The following GLB1L3 variants were observed in gnomAD, a reference collection of about 807,000 sequenced individuals.
GLB1L3 encodes galactosidase beta 1 like 3, also known as beta-galactosidase-1-like protein 3.
GLB1L3 carries 89 observed loss-of-function variants against 89.5 expected under a neutral mutation model. The observed-to-expected ratio is 0.99, with a 90% confidence interval of 0.84 to 1.19. The LOEUF (loss-of-function observed/expected upper bound fraction) is 1.19, where lower values mean the gene tolerates loss of function less well. Ranked by LOEUF, GLB1L3 falls within the 50% of genes most tolerant of loss-of-function variation. The probability of loss-of-function intolerance (pLI) is 0.00; values close to 1 mark genes in which losing one functional copy is unlikely to be tolerated. For synonymous variants in GLB1L3, 314 were observed against 312.3 expected (o/e 1.01, Z -0.06); for missense variants, 812 against 813.3 (o/e 1.00, Z 0.02).
At chr11:134,302,808 G>A (rs565863282) in intron 9 of GLB1L3, among the ~76,000 whole-genome samples, 11 of 152,222 alleles carry the variant, frequency 7.2e-5, no homozygotes, top group African/African-American at 2.6e-4. Flanking sequence ...TTGCGGTACT[G>A]GGTGCAGTAT....
Position 134,314,368 on chromosome 11 carries a change from A to C in GLB1L3, c.1706A>C (p.His569Pro), listed in dbSNP as rs547756104. Reference protein sequence around the residue: ...SATWKPVPDSHQGPAFYCGTL... With the variant: ...SATWKPVPDSPQGPAFYCGTL... ...ACCTGGAAGCCTGTCCCAGACAGCC[A>C]CCAGGGCCCGGCCTTCTACTGTGGG... Residue 569 changes from histidine (H) to proline (P), a missense_variant, in exon 18 of 20, where the codon CAC becomes CCC. Transcript: ENST00000431683. 2.7e-5 allele frequency: 42 copies of C among 1,551,352 alleles called. No individual in the cohort carries two copies. The South Asian group carries it at 4.5e-4, about 17-fold the overall frequency.
At position 134,293,674 on chromosome 11, in the gene GLB1L3, T is replaced by G. The variant is rs945501084; in HGVS notation, c.876+465T>G. Among the ~76,000 whole-genome samples, 21 of 152,020 alleles carry G rather than the reference T, an allele frequency of 1.4e-4. 1 individual carries two copies. In the East Asian group the frequency reaches 3.9e-3, roughly 28 times the overall value. The stretch of plus-strand genomic sequence containing the variant: ...CTCAGTGGGTGACCTCCTGTGACAT[T>G]ACAGAGAAGGACAAGCCACAGCCCA... On this transcript the variant is annotated intron_variant, in intron 9 of 19. Coordinates refer to ENST00000431683, the MANE Select transcript of GLB1L3 (RefSeq NM_001080407.3).
chr11:134,282,291 A>G (rs1432140828), intron 5 of GLB1L3, among the ~76,000 whole-genome samples, 171 bp downstream of exon 5: 1 of 152,182 alleles, frequency 6.6e-6, no homozygotes, highest in Admixed American at 6.5e-5. Context: ...AGCCTGCGGT[A>G]CTGCGGTGGC....
chr11:134,301,580 G>A (rs1253178676), intron 9 of GLB1L3, among the ~76,000 whole-genome samples: 1 of 151,468 alleles, frequency 6.6e-6, no homozygotes, highest in Non-Finnish European at 1.5e-5. Context: ...TTTTTAAGTT[G>A]TCTCTATTGC....
At chr11:134,296,444 A>G (rs1472271300) in intron 9 of GLB1L3, among the ~76,000 whole-genome samples, 1 of 131,046 alleles carries the variant, frequency 7.6e-6, no homozygotes, top group East Asian at 2.2e-4. Context: ...AACCAACCCA[A>G]ATGTCCAACA....
At chr11:134,290,419 A>C (rs1458905964) in intron 7 of GLB1L3, among the ~76,000 whole-genome samples, 1 of 151,928 alleles carries the variant, frequency 6.6e-6, no homozygotes, top group Non-Finnish European at 1.5e-5. Flanking sequence ...CTACAAATAC[A>C]AAAATTAGCT....
downstream of GLB1L3, among the ~76,000 whole-genome samples, chr11:134,322,405 T>A (rs556334558): frequency 6.6e-6 from 1 of 152,362 alleles, no homozygotes; most frequent in South Asian, 2.1e-4. Flanking sequence ...GAGATACGAT[T>A]CATATACCAT....
downstream of GLB1L3, among the ~76,000 whole-genome samples, chr11:134,324,499 TA>T (rs1460227351): frequency 5.3e-5 from 8 of 152,348 alleles, no homozygotes; most frequent in East Asian, 1.5e-3. Context: ...AATTATCTTT[TA>T]AAAGTGTTAT....
At chr11:134,323,573 T>TA (rs569392649), downstream of GLB1L3, among the ~76,000 whole-genome samples, 82 of 143,216 alleles carry the variant, frequency 5.7e-4, no homozygotes, top group East Asian at 1.0e-3. Flanking sequence ...AGACCCCGTC[T>TA]AAAAAAAAAA....
chr11:134,281,598 G>A (rs1372814034), intron 4 of GLB1L3, among the ~76,000 whole-genome samples, 153 bp downstream of exon 4: 2 of 135,764 alleles, frequency 1.5e-5, no homozygotes, highest in African/African-American at 2.8e-5. Flanking sequence ...GGACCCAGAC[G>A]CTCCCCAACC....
chr11:134,298,810 T>C (rs1210955692), intron 9 of GLB1L3, among the ~76,000 whole-genome samples: 1 of 152,186 alleles, frequency 6.6e-6, no homozygotes, highest in Non-Finnish European at 1.5e-5. Flanking sequence ...AGCGTGAAAA[T>C]GGACTAATAC....
chr11:134,300,472 A>G (rs935233671), intron 9 of GLB1L3, among the ~76,000 whole-genome samples: 2 of 151,832 alleles, frequency 1.3e-5, no homozygotes, highest in Non-Finnish European at 2.9e-5. Flanking sequence ...AGCTGGGACT[A>G]CAGGCGCCCT....
chr11:134,298,397 A>G (rs889006551), intron 9 of GLB1L3, among the ~76,000 whole-genome samples: 12 of 152,220 alleles, frequency 7.9e-5, no homozygotes, highest in African/African-American at 2.7e-4. Flanking sequence ...CCTTATGAAC[A>G]TGGAAGCAAA....
intron 7 of GLB1L3, among the ~76,000 whole-genome samples, chr11:134,289,455 G>A (rs1010870570): frequency 2.0e-5 from 3 of 152,176 alleles, no homozygotes; most frequent in East Asian, 3.9e-4. Flanking sequence ...GGATCCGCAC[G>A]GTTCAAACCT....
Position 134,293,152 on chromosome 11 carries a change from C to A in GLB1L3, c.819C>A (p.Ala273=). ...VLSGHTKGVL[A]AINLQKLHQD... ...TCTCTCTTCTTTATGCAGTGTTGGC[C>A]GCCATCAATTTGCAAAAACTTCACC... The change falls in exon 9 of 20, where the codon GCC becomes GCA. Residue 273 remains alanine (A), a synonymous_variant. Transcript: ENST00000431683. The A allele has an allele frequency of 6.2e-7, 1 of 1,613,492 alleles. No individual in the cohort carries two copies. The highest frequency in any genetic ancestry group is 8.5e-7 in the Non-Finnish European group (1 of 1,179,556).
intron 9 of GLB1L3, among the ~76,000 whole-genome samples, chr11:134,302,897 T>A (rs1041396837): frequency 2.6e-5 from 4 of 152,196 alleles, no homozygotes; most frequent in Non-Finnish European, 5.9e-5. Flanking sequence ...TGGCTGGTTG[T>A]ATTGGTCACT....
At chr11:134,308,473 A>ACCACC (rs1565413915) in intron 10 of GLB1L3, among the ~76,000 whole-genome samples, 4 of 4,750 alleles carry the variant, frequency 8.4e-4, no homozygotes, top group Non-Finnish European at 1.7e-3. Flanking sequence ...ACCACCACCA[A>ACCACC]ATACCACCAC....
chr11:134,288,955 C>A, intron 7 of GLB1L3, 65 bp downstream of exon 7: 1 of 1,127,244 alleles, frequency 8.9e-7, no homozygotes, highest in Non-Finnish European at 1.3e-6. Flanking sequence ...GTTTCTGATT[C>A]CTGGATGCAT....
At chr11:134,307,089 TGCCAGAC>T in intron 9 of GLB1L3, 28 bp from the exon 10 acceptor site, 1 of 1,533,746 alleles carries the variant, frequency 6.5e-7, no homozygotes, top group Admixed American at 1.8e-5. Flanking sequence ...TTTTGTTTTT[TGCCAGAC>T]TTAGTATTTG....
Sources: gnomAD v4.1 joint callset for allele counts (sites outside exome capture counted in the v4.1 genomes callset) on GRCh38, gnomAD v4.1.1 for gene constraint, MANE v1.5 for transcripts, NCBI Gene and HGNC (gene_info 2026-07-23, HGNC 2026-07-21) for gene names.